SRGAP3: variants seen among roughly 807,000 people sequenced by gnomAD.
SRGAP3 encodes SLIT-ROBO Rho GTPase activating protein 3.
In SRGAP3, 39 loss-of-function variants were observed where a neutral mutation model predicts 121.1. That is an observed-to-expected ratio of 0.32 (90% confidence interval 0.25 to 0.42). The LOEUF is 0.42. Among genes scored for constraint, SRGAP3 ranks in the 10% least tolerant of loss-of-function variants. SRGAP3 has a pLI of 1.00. For synonymous variants in SRGAP3, 601 were observed against 570.0 expected (o/e 1.05, Z -0.77); for missense variants, 1,213 against 1,470.6 (o/e 0.82, Z 2.86).
intron 10 of SRGAP3, among the ~76,000 whole-genome samples, chr3:9,041,809 A>G (rs1945024365): frequency 6.6e-6 from 1 of 152,188 alleles, no homozygotes; most frequent in African/African-American, 2.4e-5. Context: ...ACGTTAAGAG[A>G]AACAGATGAG....
intron 1 of SRGAP3, among the ~76,000 whole-genome samples, chr3:9,331,107 C>T (rs1955598085): frequency 6.6e-6 from 1 of 152,130 alleles, no homozygotes; most frequent in Non-Finnish European, 1.5e-5. Context: ...AGCTTTTTTT[C>T]TCTTTTTGCT....
At position 9,221,253 on chromosome 3, in the gene SRGAP3, G is replaced by A. The variant is rs925184732; in HGVS notation, c.67+27632C>T. On this transcript the variant is annotated intron_variant, in intron 1 of 21. Transcript: ENST00000383836. ...CCCACTGCTTTCTAAAGTTATCTCC[G>A]GCCAGGCATGCTCATGCTTGTCATT... 2.6e-5 allele frequency among the ~76,000 whole-genome samples: 4 copies of A among 152,152 alleles called. No individual in the cohort carries two copies. The East Asian group carries it at 5.8e-4, about 22-fold the overall frequency.
intron 3 of SRGAP3, among the ~76,000 whole-genome samples, chr3:9,299,531 G>A (rs1955013073): frequency 6.6e-6 from 1 of 152,090 alleles, no homozygotes; most frequent in Non-Finnish European, 1.5e-5. Flanking sequence ...ATCATAAAAC[G>A]CTGGTGGTAG....
chr3:8,988,794 T>A (rs560080873), intron 21 of SRGAP3, among the ~76,000 whole-genome samples: 1 of 152,242 alleles, frequency 6.6e-6, no homozygotes. Context: ...GGCATTAGAT[T>A]CTCCTCAGGA....
At chr3:9,147,728 A>T (rs1950073990) in intron 1 of SRGAP3, among the ~76,000 whole-genome samples, 1 of 152,218 alleles carries the variant, frequency 6.6e-6, no homozygotes, top group South Asian at 2.1e-4. Context: ...CGGGAATTGG[A>T]TGCATTCTGG....
intron 2 of SRGAP3, among the ~76,000 whole-genome samples, chr3:9,123,493 T>G (rs1949099768): frequency 6.6e-6 from 1 of 151,842 alleles, no homozygotes; most frequent in Admixed American, 6.6e-5. Context: ...GATCACTTGA[T>G]GTCAGGAGTT....
chr3:9,114,791 C>A (rs1040461360), intron 2 of SRGAP3, among the ~76,000 whole-genome samples: 1 of 152,166 alleles, frequency 6.6e-6, no homozygotes, highest in African/African-American at 2.4e-5. Flanking sequence ...GAGGAAAAGA[C>A]CCCGATCCAT....
chr3:9,118,364 A>C (rs1400806347), intron 2 of SRGAP3, among the ~76,000 whole-genome samples: 1 of 152,178 alleles, frequency 6.6e-6, no homozygotes, highest in Non-Finnish European at 1.5e-5. Flanking sequence ...ATCTGTGTTC[A>C]TGGAGCTGCC....
At chr3:9,184,345 T>G (rs549357071) in intron 1 of SRGAP3, among the ~76,000 whole-genome samples, 5 of 152,298 alleles carry the variant, frequency 3.3e-5, no homozygotes, top group Non-Finnish European at 7.3e-5. Context: ...TCAGACTGAA[T>G]TTGAATCTGA....
chr3:9,326,537 G>A (rs1021690523), intron 2 of SRGAP3, among the ~76,000 whole-genome samples: 4 of 151,738 alleles, frequency 2.6e-5, no homozygotes, highest in Non-Finnish European at 5.9e-5. Context: ...AAAGCTTTAA[G>A]GACTTGGGAA....
intron 3 of SRGAP3, among the ~76,000 whole-genome samples, chr3:9,279,040 G>A (rs181922268): frequency 2.6e-5 from 4 of 152,212 alleles, no homozygotes; most frequent in Admixed American, 2.6e-4. Context: ...TTGGGAGGCT[G>A]AGACACAAGA....
Position 9,015,747 on chromosome 3 carries a change from A to G in SRGAP3, c.1679-16T>C. The G allele has an allele frequency of 1.2e-6, 2 of 1,614,072 alleles. No individual in the cohort carries two copies. The highest frequency in any genetic ancestry group is 2.2e-5 in the South Asian group (2 of 91,086). On this transcript the variant is annotated splice_polypyrimidine_tract_variant and intron_variant, in intron 14 of 21. Transcript: ENST00000383836. ...GGGTCTTCACCTGAGTGGAAACAAG[A>G]GACGAGATGATATTTCAGCTTGGGA...
At chr3:9,226,778 T>C (rs1212241245) in intron 1 of SRGAP3, among the ~76,000 whole-genome samples, 1 of 152,200 alleles carries the variant, frequency 6.6e-6, no homozygotes, top group African/African-American at 2.4e-5. Flanking sequence ...TACAAATCTG[T>C]TAATTTCTCA....
At chr3:9,209,368 C>A (rs188890140) in intron 1 of SRGAP3, among the ~76,000 whole-genome samples, 1 of 152,280 alleles carries the variant, frequency 6.6e-6, no homozygotes, top group Admixed American at 6.5e-5. Flanking sequence ...AGGAAAAGAT[C>A]AACAACCCAA....
At chr3:8,994,192 G>T in intron 19 of SRGAP3, 151 bp downstream of exon 19, 1 of 1,010,908 alleles carries the variant, frequency 9.9e-7, no homozygotes, top group Non-Finnish European at 1.5e-6. Flanking sequence ...TTAAAGGGAA[G>T]TTAGATATTA....
At chr3:9,120,478 A>G (rs1273047785) in intron 2 of SRGAP3, among the ~76,000 whole-genome samples, 2 of 152,232 alleles carry the variant, frequency 1.3e-5, no homozygotes, top group African/African-American at 4.8e-5. Flanking sequence ...GGCACTGAGC[A>G]CAGTCCAGGA....
chr3:9,208,771 A>T (rs988197082), intron 1 of SRGAP3, among the ~76,000 whole-genome samples: 5 of 152,214 alleles, frequency 3.3e-5, no homozygotes, highest in African/African-American at 1.2e-4. Context: ...GTGAGTTTGA[A>T]TCCCATCTCC....
chr3:9,258,089 T>C (rs1231543804), intron 3 of SRGAP3, among the ~76,000 whole-genome samples: 1 of 152,186 alleles, frequency 6.6e-6, no homozygotes, highest in Non-Finnish European at 1.5e-5. Context: ...TTCCTACTGT[T>C]GTGAAGACCT....
rs184782713 is a variant in SRGAP3, at chr3:9,017,939, A to T, written c.1679-2208T>A. ...TATCGTCACCCTATTCTACTACCAAACCCTAGAACTTATTTCTTCTATCTA... is the reference window on the plus strand; with the variant it reads ...TATCGTCACCCTATTCTACTACCAATCCCTAGAACTTATTTCTTCTATCTA... On this transcript the variant is annotated intron_variant, in intron 14 of 21. Transcript: ENST00000383836. Among the ~76,000 whole-genome samples the T allele has an allele frequency of 5.9e-5, 9 of 152,190 alleles. No individual in the cohort carries two copies. The East Asian group carries it at 1.7e-3, about 29-fold the overall frequency.
Sources: allele counts gnomAD v4.1 joint callset (sites outside exome capture counted in the v4.1 genomes callset), GRCh38; gene constraint gnomAD v4.1.1; transcripts MANE v1.5; gene names NCBI Gene and HGNC (gene_info 2026-07-23, HGNC 2026-07-21).